Variants in FAM227B observed in about 807,000 individuals in gnomAD.
FAM227B encodes the protein family with sequence similarity 227 member B.
FAM227B carries 88 observed loss-of-function variants against 73.8 expected under a neutral mutation model. The ratio of observed to expected loss-of-function variants is 1.19; its 90% CI spans 1.00 to 1.42. The LOEUF is 1.42. Ranked by LOEUF, FAM227B falls within the 40% of genes most tolerant of loss-of-function variation. The pLI, the probability that FAM227B is intolerant of heterozygous loss-of-function variation, is 0.00. For missense variants in FAM227B, 632 were observed against 590.9 expected (o/e 1.07, Z -0.72); for synonymous variants, 210 against 190.5 (o/e 1.10, Z -0.84).
intron 11 of FAM227B, among the ~76,000 whole-genome samples, chr15:49,459,968 A>G (rs2053646635): frequency 6.6e-6 from 1 of 152,158 alleles, no homozygotes; most frequent in Admixed American, 6.6e-5. Flanking sequence ...AAATATTTTT[A>G]TCCACCCACA....
chr15:49,334,673 G>A (rs1157028081), intron 14 of FAM227B, among the ~76,000 whole-genome samples: 2 of 152,146 alleles, frequency 1.3e-5, no homozygotes, highest in East Asian at 1.9e-4. Flanking sequence ...AAGCAGGGGC[G>A]CAGGCTTTTA....
At chr15:49,351,257 T>C (rs915980561) in intron 13 of FAM227B, among the ~76,000 whole-genome samples, 4 of 152,170 alleles carry the variant, frequency 2.6e-5, no homozygotes, top group Non-Finnish European at 5.9e-5. Context: ...TTCCACACAA[T>C]GCAAAAATGA....
At chr15:49,556,982 C>G (rs968099964) in intron 9 of FAM227B, among the ~76,000 whole-genome samples, 6 of 152,240 alleles carry the variant, frequency 3.9e-5, no homozygotes, top group Middle Eastern at 3.4e-3. Flanking sequence ...CTTGCCTGCT[C>G]ATCTCACCTC....
Position 49,357,214 on chromosome 15 carries a change from A to G in FAM227B, c.1271+10234T>C, listed in dbSNP as rs542428654. 5.6e-3 allele frequency among the ~76,000 whole-genome samples: 848 copies of G among 150,344 alleles called. 4 individuals carry two copies. The highest frequency in any genetic ancestry group is 0.01 in the Non-Finnish European group (701 of 67,462). ...GCAAACACATTCAAAAGCTAGCAGA[A>G]GGCAAGAAATAACTAAAATCAGAGC... On this transcript the variant is annotated intron_variant, in intron 13 of 15. Transcript: ENST00000299338.
At chr15:49,445,650 AATT>A (rs1039976199) in intron 11 of FAM227B, among the ~76,000 whole-genome samples, 1 of 151,598 alleles carries the variant, frequency 6.6e-6, no homozygotes, top group Non-Finnish European at 1.5e-5. Flanking sequence ...AAATATGTAC[AATT>A]ATTATGTCAA....
intron 11 of FAM227B, among the ~76,000 whole-genome samples, chr15:49,464,646 C>G (rs1490655901): frequency 6.6e-6 from 1 of 151,972 alleles, no homozygotes; most frequent in Non-Finnish European, 1.5e-5. Flanking sequence ...AAAATGACAC[C>G]AATAAATCAT....
chr15:49,389,439 T>G (rs930783830), intron 11 of FAM227B, among the ~76,000 whole-genome samples: 2 of 151,906 alleles, frequency 1.3e-5, no homozygotes, highest in African/African-American at 4.8e-5. Flanking sequence ...GCTACCAGTA[T>G]GCAAAGGCAT....
At chr15:49,440,771 A>G (rs1268934721) in intron 11 of FAM227B, among the ~76,000 whole-genome samples, 1 of 151,694 alleles carries the variant, frequency 6.6e-6, no homozygotes, top group African/African-American at 2.4e-5. Flanking sequence ...TCAGGACCTG[A>G]ACTCAGGGCT....
chr15:49,572,465 G>A (rs1040673973), intron 8 of FAM227B, among the ~76,000 whole-genome samples: 2 of 151,966 alleles, frequency 1.3e-5, no homozygotes, highest in African/African-American at 2.4e-5. Flanking sequence ...TTGTCTCAAG[G>A]TATTTTCTGA....
intron 9 of FAM227B, among the ~76,000 whole-genome samples, chr15:49,564,333 A>C (rs999601402): frequency 2.0e-5 from 3 of 152,166 alleles, no homozygotes; most frequent in Non-Finnish European, 4.4e-5. Flanking sequence ...AGTCAAAAAC[A>C]ATGGATGCTG....
chr15:49,560,021 G>C (rs556185868), intron 9 of FAM227B, among the ~76,000 whole-genome samples: 2 of 152,158 alleles, frequency 1.3e-5, no homozygotes, highest in African/African-American at 4.8e-5. Flanking sequence ...CTCCGCAATG[G>C]TTCCTGACCA....
intron 9 of FAM227B, among the ~76,000 whole-genome samples, chr15:49,550,502 C>T (rs926688351): frequency 2.5e-4 from 37 of 151,008 alleles, no homozygotes; most frequent in Admixed American, 3.3e-4. Flanking sequence ...AGCTGCCAGG[C>T]GGAGGGGCTC....
intron 11 of FAM227B, among the ~76,000 whole-genome samples, chr15:49,402,437 T>C (rs374389728): frequency 2.0e-4 from 31 of 152,352 alleles, no homozygotes; most frequent in African/African-American, 7.5e-4. Context: ...CATTTGTTTG[T>C]GTCCTCCAAT....
At chr15:49,594,101 T>G (rs2076751501) in intron 3 of FAM227B, among the ~76,000 whole-genome samples, 1 of 152,148 alleles carries the variant, frequency 6.6e-6, no homozygotes, top group Non-Finnish European at 1.5e-5. Context: ...ATATATAATT[T>G]TTTAATTTTG....
At chr15:49,581,143 T>C (rs1052378206) in intron 5 of FAM227B, among the ~76,000 whole-genome samples, 16 of 152,084 alleles carry the variant, frequency 1.1e-4, no homozygotes, top group African/African-American at 3.6e-4. Flanking sequence ...TGAGATACTA[T>C]ACAAGATGAC....
At chr15:49,415,625 T>A (rs1020080158) in intron 11 of FAM227B, among the ~76,000 whole-genome samples, 1 of 152,146 alleles carries the variant, frequency 6.6e-6, no homozygotes, top group Non-Finnish European at 1.5e-5. Flanking sequence ...AACTTTAAAT[T>A]TAGATTAGCA....
At chr15:49,438,181 T>C (rs926786182) in intron 11 of FAM227B, among the ~76,000 whole-genome samples, 1 of 151,662 alleles carries the variant, frequency 6.6e-6, no homozygotes, top group Non-Finnish European at 1.5e-5. Flanking sequence ...TTTTAGGGAA[T>C]ATGAAGCTTT....
At chr15:49,557,358 A>G (rs1425320640) in intron 9 of FAM227B, among the ~76,000 whole-genome samples, 1 of 152,180 alleles carries the variant, frequency 6.6e-6, no homozygotes, top group Non-Finnish European at 1.5e-5. Flanking sequence ...ATGTTTTGGG[A>G]AAAAAACTTA....
intron 1 of FAM227B, among the ~76,000 whole-genome samples, chr15:49,620,382 T>G (rs911784472): frequency 1.6e-4 from 24 of 152,324 alleles, no homozygotes; most frequent in African/African-American, 5.5e-4. Flanking sequence ...TTTAAAATCT[T>G]AGTTGTTAGA....
Sources: allele counts gnomAD v4.1 joint callset (sites outside exome capture counted in the v4.1 genomes callset), GRCh38; gene constraint gnomAD v4.1.1; transcripts MANE v1.5; gene names NCBI Gene and HGNC (gene_info 2026-07-23, HGNC 2026-07-21).